SYNE2: variants seen among roughly 807,000 people sequenced by gnomAD.
The protein encoded by SYNE2 is nesprin-2.
SYNE2 carries 431 observed loss-of-function variants against 856.3 expected under a neutral mutation model. The observed-to-expected ratio is 0.50, with a 90% CI of 0.47 to 0.55. The LOEUF is 0.55. Among genes scored for constraint, SYNE2 ranks in the 20% least tolerant of loss-of-function variants. The pLI is 0.00. For synonymous variants in SYNE2, 2,923 were observed against 2,872.3 expected (o/e 1.02, Z -0.56); for missense variants, 8,129 against 8,023.2 (o/e 1.01, Z -0.50).
rs547314078 is a variant in SYNE2 at position 63,845,834 on chromosome 14, A to G, written c.-304-6667A>G. Among the ~76,000 whole-genome samples, 18 of 145,396 alleles carry G rather than the reference A, an allele frequency of 1.2e-4. No homozygotes were observed. The East Asian group carries it at 3.4e-3, about 28-fold the overall frequency. ...CAACTCACTGCAACCTTCACCTCCC[A>G]GGTTCAGGTGATTCTCCTGCCTCAG... On this transcript the variant is annotated intron_variant, in intron 1 of 23. Transcript: ENST00000674003.
intron 1 of SYNE2, among the ~76,000 whole-genome samples, chr14:63,803,426 G>A (rs1413287274): frequency 1.3e-5 from 2 of 152,224 alleles, no homozygotes; most frequent in Non-Finnish European, 2.9e-5. Flanking sequence ...AGGCAGCTAA[G>A]GCTCGGTGAG....
intron 37 of SYNE2, 140 bp downstream of exon 37, chr14:64,022,168 C>G: frequency 1.2e-6 from 1 of 812,342 alleles, no homozygotes; most frequent in Non-Finnish European, 2.0e-6. Flanking sequence ...TCAGATAAAT[C>G]TTTTGGGAGC....
In SYNE2 at chr14:64,100,531, AATATATAT is replaced by A. The variant is rs1204839640; in HGVS notation, c.12382-1368_12382-1361del. On this transcript the variant is annotated intron_variant, in intron 63 of 115. Coordinates refer to ENST00000555002, the MANE Select transcript of SYNE2 (RefSeq NM_182914.3). ...AACTGTCTCAAAAAAAAAAAAAAAAAATATATATATATATATATATATATATATATATA... is the reference window on the plus strand; with the variant it reads ...AACTGTCTCAAAAAAAAAAAAAAAAAATATATATATATATATATATATATA... Among the ~76,000 whole-genome samples, 121 of 39,404 alleles carry A rather than the reference AATATATAT, an allele frequency of 3.1e-3. 2 individuals carry two copies. Among genetic ancestry groups the A allele is most frequent in the African/African-American group, 5.6e-3 (61 of 10,824 alleles). 25.9% of individuals were successfully genotyped at this position (39,404 alleles called of 152,430 possible).
intron 83 of SYNE2, among the ~76,000 whole-genome samples, chr14:64,144,587 CTG>C (rs1332592220): frequency 6.6e-6 from 1 of 152,132 alleles, no homozygotes; most frequent in Non-Finnish European, 1.5e-5. Context: ...AAAATAAACA[CTG>C]TGTAACATAA....
chr14:63,776,884 A>G (rs2034610097), intron 1 of SYNE2, among the ~76,000 whole-genome samples: 1 of 152,178 alleles, frequency 6.6e-6, no homozygotes, highest in African/African-American at 2.4e-5. Flanking sequence ...TACAGGTGTG[A>G]ATCACCATGC....
rs1228189634 is a variant in SYNE2, at chr14:64,076,079, T to G, written c.11001T>G (p.Ala3667=). ...CCCAGGTGGAAGAATGCAGAAAAGC[T>G]TTAGAAGACATAGATGAGAAGGTAA... ...IESQVEECRK[A]LEDIDEKISN... Residue 3667 remains alanine (A), a synonymous_variant, in exon 54 of 116, where the codon GCT becomes GCG. Transcript: ENST00000555002. 1.2e-6 allele frequency: 2 copies of G among 1,613,806 alleles called. No individual in the cohort carries two copies. The highest frequency in any genetic ancestry group is 1.7e-6 in the Non-Finnish European group (2 of 1,179,788).
intron 1 of SYNE2, chr14:63,873,614 T>G (rs898776556): frequency 6.6e-6 from 1 of 152,264 alleles, no homozygotes; most frequent in Non-Finnish European, 1.5e-5. Flanking sequence ...ATGGTCTTGA[T>G]CTCCTGACCT....
intron 1 of SYNE2, among the ~76,000 whole-genome samples, chr14:63,817,097 A>C (rs1377342387): frequency 1.3e-5 from 2 of 152,076 alleles, no homozygotes; most frequent in East Asian, 3.8e-4. Context: ...CTTGGATTCG[A>C]CAATTCCAGA....
intron 96 of SYNE2, among the ~76,000 whole-genome samples, chr14:64,182,930 A>C (rs1380608927): frequency 1.3e-5 from 2 of 151,752 alleles, no homozygotes; most frequent in Non-Finnish European, 2.9e-5. Flanking sequence ...ACGGCTGGGC[A>C]GAGGGGCTCC....
chr14:64,156,005 G>C (rs1214188717), intron 85 of SYNE2, among the ~76,000 whole-genome samples: 1 of 152,160 alleles, frequency 6.6e-6, no homozygotes, highest in Non-Finnish European at 1.5e-5. Context: ...TCTATAAAAT[G>C]GGGATGATAA....
At chr14:64,224,260 T>C (rs952595905) in intron 113 of SYNE2, among the ~76,000 whole-genome samples, 4 of 147,038 alleles carry the variant, frequency 2.7e-5, no homozygotes, top group African/African-American at 1.0e-4. Context: ...GAGGCTGAGG[T>C]AGAAGGATTG....
chr14:64,001,933 G>C lies in SYNE2; in HGVS notation c.3639-1G>C, dbSNP rs1308678682. On this transcript the variant is annotated splice_acceptor_variant, in intron 28 of 115. Transcript: ENST00000555002. LOFTEE classifies it high-confidence loss of function. ...TCATGTCTGATTTACCTTGCACCCA[G>C]AATGGAATCTTTAGAGACAGCACTG... is the stretch of plus-strand genomic sequence containing the variant. 10 of 1,613,994 alleles carry C rather than the reference G, an allele frequency of 6.2e-6. No individual in the cohort carries two copies. The highest frequency in any genetic ancestry group is 8.5e-6 in the Non-Finnish European group (10 of 1,180,002).
rs1491139905 is a variant in SYNE2 at position 63,924,832 on chromosome 14, G to GTTTTTTTTTTTTTTTTTTTT, written c.79+15606_79+15607insTTTTTTTTTTTTTTTTTTTT. Among the ~76,000 whole-genome samples, 255 of 92,850 alleles carry GTTTTTTTTTTTTTTTTTTTT rather than the reference G, an allele frequency of 2.7e-3. 94 individuals carry two copies. Among genetic ancestry groups the GTTTTTTTTTTTTTTTTTTTT allele is most frequent in the East Asian group, 7.2e-3 (19 of 2,654 alleles). 60.9% of individuals were successfully genotyped at this position (92,850 alleles called of 152,430 possible). ...TTTAACTTTTTTCCTTCCAGCCTTG[G>GTTTTTTTTTTTTTTTTTTTT]TGTTTTTTTTTTTTTTTTTTTTTTT... On this transcript the variant is annotated intron_variant, in intron 2 of 115. Transcript: ENST00000555002.
Position 63,954,707 on chromosome 14 carries a change from T to C in SYNE2, c.591-12T>C, listed in dbSNP as rs1434612430. 1.6e-5 allele frequency: 26 copies of C among 1,613,346 alleles called. No homozygotes were observed. The highest frequency in any genetic ancestry group is 2.7e-5 in the African/African-American group (2 of 74,922). ...TAATGGTATTTGTCATGTTTTTGTCTTTTTATGATAGCTATGAGTCTGTCA... is the reference window on the plus strand; with the variant it reads ...TAATGGTATTTGTCATGTTTTTGTCCTTTTATGATAGCTATGAGTCTGTCA... On this transcript the variant is annotated splice_polypyrimidine_tract_variant and intron_variant, in intron 7 of 115. Transcript: ENST00000555002.
chr14:64,179,736 TTTTC>T (rs1266384417), intron 96 of SYNE2, among the ~76,000 whole-genome samples: 7 of 152,208 alleles, frequency 4.6e-5, no homozygotes, highest in Non-Finnish European at 8.8e-5. Context: ...CTATTTGTCT[TTTTC>T]TTATTGAGTT....
At chr14:63,794,405 G>T (rs1418031165) in intron 1 of SYNE2, among the ~76,000 whole-genome samples, 1 of 151,992 alleles carries the variant, frequency 6.6e-6, no homozygotes, top group African/African-American at 2.4e-5. Flanking sequence ...GGCTAGGCTG[G>T]TCTCAAACTC....
chr14:63,809,216 T>C (rs984354690), intron 1 of SYNE2, among the ~76,000 whole-genome samples: 1 of 152,052 alleles, frequency 6.6e-6, no homozygotes, highest in African/African-American at 2.4e-5. Flanking sequence ...GCGTTTGTGT[T>C]CTACGTTTAA....
intron 95 of SYNE2, 71 bp from the exon 96 acceptor site, chr14:64,177,287 G>A (rs2098439473): frequency 1.3e-6 from 2 of 1,560,058 alleles, no homozygotes; most frequent in Non-Finnish European, 1.8e-6. Context: ...TGGATTAAAT[G>A]AGCTATTCTA....
chr14:64,124,956 T>A (rs912762328), intron 70 of SYNE2, 123 bp from the exon 71 acceptor site: 1 of 1,212,590 alleles, frequency 8.2e-7, no homozygotes, highest in African/African-American at 1.6e-5. Context: ...TGAGAGGAGA[T>A]CATGCCACTG....
Sources: allele counts gnomAD v4.1 joint callset (sites outside exome capture counted in the v4.1 genomes callset), GRCh38; gene constraint gnomAD v4.1.1; transcripts MANE v1.5; gene names NCBI Gene and HGNC (gene_info 2026-07-23, HGNC 2026-07-21).